CARS2: variants seen among roughly 807,000 people sequenced by gnomAD.
The protein encoded by CARS2 is probable cysteine--tRNA ligase, mitochondrial.
In CARS2, 52 loss-of-function variants were observed where a neutral mutation model predicts 68.8. The observed-to-expected ratio is 0.76, with a 90% CI of 0.61 to 0.95. The LOEUF (loss-of-function observed/expected upper bound fraction) is 0.95. Among genes scored for constraint, CARS2 ranks in the 40% least tolerant of loss-of-function variants. CARS2 has a pLI of 0.00. For missense variants in CARS2, 780 were observed against 754.2 expected (o/e 1.03, Z -0.40); for synonymous variants, 314 against 303.6 (o/e 1.03, Z -0.36).
chr13:110,666,722 C>T (rs765857490), intron 8 of CARS2: 51 of 985,404 alleles, frequency 5.2e-5, no homozygotes, highest in Non-Finnish European at 6.0e-5. Flanking sequence ...TTTGCATCTC[C>T]AAATCCTATC....
Position 110,664,952 on chromosome 13 carries a change from C to T in CARS2, c.920-1434G>A, listed in dbSNP as rs375396382. On this transcript the variant is annotated intron_variant, in intron 8 of 14. Coordinates refer to ENST00000257347, the MANE Select transcript of CARS2 (RefSeq NM_024537.4). ...GAATTCATTGCTGTTGTTCATAACACGCCCGCTTTCAGTTTGGCTATAGCA... is the reference window on the plus strand; with the variant it reads ...GAATTCATTGCTGTTGTTCATAACATGCCCGCTTTCAGTTTGGCTATAGCA... The T allele has an allele frequency of 2.4e-5, 23 of 946,104 alleles. No homozygotes were observed. The East Asian group carries it at 4.6e-4, about 19-fold the overall frequency. The allele number at this position is 946,104 out of a possible 1,614,324, so 58.6% of individuals were successfully genotyped here.
intron 7 of CARS2, among the ~76,000 whole-genome samples, chr13:110,673,661 G>T (rs1386579053): frequency 6.6e-6 from 1 of 152,056 alleles, no homozygotes; most frequent in Admixed American, 6.6e-5. Flanking sequence ...CACAAGACAG[G>T]GATGCCCTCT....
chr13:110,644,208 C>T (rs1249357751), intron 13 of CARS2, 177 bp downstream of exon 13: 2 of 1,453,732 alleles, frequency 1.4e-6, no homozygotes, highest in Non-Finnish European at 1.8e-6. Flanking sequence ...TGTGCAATTC[C>T]AATTAATAAG....
chr13:110,643,990 C>G (rs1349223881), intron 13 of CARS2: 4 of 668,504 alleles, frequency 6.0e-6, no homozygotes, highest in Non-Finnish European at 8.8e-6. Context: ...CCTGTCCGTA[C>G]AAAACATGTG....
intron 2 of CARS2, among the ~76,000 whole-genome samples, chr13:110,702,155 G>T (rs1020219882): frequency 4.6e-5 from 7 of 152,164 alleles, no homozygotes; most frequent in Admixed American, 6.5e-5. Context: ...TAAAACTCAA[G>T]GTTATCTAAT....
At chr13:110,669,927 C>T (rs1052209817) in intron 7 of CARS2, among the ~76,000 whole-genome samples, 11 of 152,196 alleles carry the variant, frequency 7.2e-5, no homozygotes, top group Admixed American at 3.9e-4. Context: ...GCGCCTGGCT[C>T]GGAGGGTCCC....
At chr13:110,712,548 C>T in intron 1 of CARS2, 1 of 277,700 alleles carries the variant, frequency 3.6e-6, no homozygotes, top group Non-Finnish European at 7.1e-6. Context: ...GGCCGGCGCG[C>T]GGGGCCGGTC....
upstream of CARS2, among the ~76,000 whole-genome samples, chr13:110,710,940 T>C (rs1325751208): frequency 6.6e-6 from 1 of 151,858 alleles, no homozygotes; most frequent in African/African-American, 2.4e-5. Flanking sequence ...TTGTGATTTT[T>C]TTTTTTAAAA....
chr13:110,712,474 G>A (rs922543557), intron 1 of CARS2: 1 of 205,522 alleles, frequency 4.9e-6, no homozygotes, highest in Non-Finnish European at 1.0e-5. Context: ...AGAGCCAGGC[G>A]GGAAGTGCAC....
At chr13:110,652,610 G>T (rs2062247602) in intron 9 of CARS2, among the ~76,000 whole-genome samples, 1 of 152,194 alleles carries the variant, frequency 6.6e-6, no homozygotes, top group Non-Finnish European at 1.5e-5. Flanking sequence ...AGCAGGTCTG[G>T]TCTGTCTTCT....
At chr13:110,663,711 C>T in intron 8 of CARS2, 193 bp from the exon 9 acceptor site, 1 of 1,386,772 alleles carries the variant, frequency 7.2e-7, no homozygotes. Context: ...TGCCCTTGTT[C>T]CACGGTGCAG....
chr13:110,641,800 C>T (rs762224744), intron 14 of CARS2, among the ~76,000 whole-genome samples, 192 bp from the exon 15 acceptor site: 13 of 152,222 alleles, frequency 8.5e-5, no homozygotes, highest in South Asian at 2.1e-4. Context: ...CAGGAGGTGG[C>T]GGGGGCTGAG....
At position 110,676,904 on chromosome 13, in the gene CARS2, T is replaced by C. The variant is rs1473363979; in HGVS notation, c.785+70A>G. 1.9e-5 allele frequency: 28 copies of C among 1,449,200 alleles called. No homozygotes were observed. Among genetic ancestry groups the C allele is most frequent in the Non-Finnish European group, 2.6e-5 (28 of 1,097,998 alleles). 89.8% of individuals were successfully genotyped at this position (1,449,200 alleles called of 1,614,324 possible). A position where few individuals can be genotyped will look rare whatever the true frequency, so the allele number is the denominator to read the frequency against. ...CAGGCTGCACCTGCTCCCATGCACA[T>C]CCTCTGCTGCCCTGAGCAGGCACCA... On this transcript the variant is annotated intron_variant, in intron 7 of 14. Coordinates refer to ENST00000257347, the MANE Select transcript of CARS2 (RefSeq NM_024537.4). The surrounding 1 kb of genome is among the most constrained non-coding windows in gnomAD (Gnocchi z 4.0).
intron 11 of CARS2, chr13:110,646,461 C>T (rs1014457307): frequency 7.0e-5 from 12 of 172,112 alleles, no homozygotes; most frequent in African/African-American, 9.5e-5. Flanking sequence ...AGGCCCAGCC[C>T]GGGGCTCCCG....
intron 2 of CARS2, among the ~76,000 whole-genome samples, chr13:110,703,204 C>T (rs2063841742): frequency 6.6e-6 from 1 of 152,232 alleles, no homozygotes; most frequent in South Asian, 2.1e-4. Flanking sequence ...CTGAGTGCTA[C>T]CCATTGCTCA....
At position 110,641,596 on chromosome 13, in the gene CARS2, T is replaced by C; in HGVS notation, c.1636A>G (p.Thr546Ala). Residue 546 changes from threonine to alanine, a missense_variant, in exon 15 of 15, where the codon ACA (threonine) becomes GCA (alanine). Physicochemically the swap from Thr to Ala is moderately conservative, Grantham distance 58. Transcript: ENST00000257347. ...TCCAGCAGTTCCCACGTGGATGTTG[T>C]ACTGCTTCTGTCCTGGAGAAGAAGA... ...HGINIKDRSSTTSTWELLDQR... is the reference protein window; with the variant it reads ...HGINIKDRSSATSTWELLDQR... 7 of 1,613,818 alleles carry C rather than the reference T, an allele frequency of 4.3e-6. No individual in the cohort carries two copies. The highest frequency in any genetic ancestry group is 5.1e-6 in the Non-Finnish European group (6 of 1,179,734).
At chr13:110,663,564 T>C (rs780409751) in intron 8 of CARS2, 46 bp from the exon 9 acceptor site, 28 of 1,603,610 alleles carry the variant, frequency 1.7e-5, no homozygotes, top group Non-Finnish European at 2.2e-5. Context: ...GTGAGGAGAC[T>C]CTCTGGCCTC....
chr13:110,702,755 T>C (rs980790056), intron 2 of CARS2, among the ~76,000 whole-genome samples: 2 of 152,134 alleles, frequency 1.3e-5, no homozygotes, highest in African/African-American at 4.8e-5. Context: ...GGCCACTCTA[T>C]ACACAAACAC....
rs538031990 is a variant in CARS2 at position 110,687,774 on chromosome 13, A to G, written c.518T>C (p.Ile173Thr). The G allele has an allele frequency of 6.2e-7, 1 of 1,613,638 alleles. No homozygotes were observed. The highest frequency in any genetic ancestry group is 1.3e-5 in the African/African-American group (1 of 75,022). The change falls in exon 5 of 15, where the codon ATT becomes ACT. Residue 173 changes from isoleucine (I) to threonine (T), a missense_variant. Coordinates refer to ENST00000257347, the MANE Select transcript of CARS2 (RefSeq NM_024537.4). Reference protein sequence around the residue: ...LRVTENIPQIISFIEGIIARG... With the variant: ...LRVTENIPQITSFIEGIIARG... ...AGCAATGATTCCTTCAATGAAAGAA[A>G]TTATCTGAGGAATATTTTCGGTTAC...
Sources: gnomAD v4.1 joint callset for allele counts (sites outside exome capture counted in the v4.1 genomes callset) on GRCh38, gnomAD v4.1.1 for gene constraint, Gnocchi (gnomAD v3.1) non-coding constraint, MANE v1.5 for transcripts, NCBI Gene and HGNC (gene_info 2026-07-23, HGNC 2026-07-21) for gene names.